The following SUV39H2 variants were observed in gnomAD, a reference collection of about 807,000 sequenced individuals.
SUV39H2 encodes SUV39H2 histone lysine methyltransferase.
Under a neutral mutation model 47.5 loss-of-function variants are expected in SUV39H2, and 10 were observed. The observed-to-expected ratio is 0.21, with a 90% CI of 0.13 to 0.36. The LOEUF (loss-of-function observed/expected upper bound fraction) is 0.36. SUV39H2 is among the 10% of genes least tolerant of loss of function. The pLI is 1.00. For missense variants in SUV39H2, 266 were observed against 487.4 expected, an observed-to-expected ratio of 0.55 and a Z score of 4.28; for synonymous variants, 159 against 166.8, an observed-to-expected ratio of 0.95 and a Z score of 0.36.
chr10:14,903,772 C>T lies in SUV39H2; in HGVS notation c.*1260C>T, dbSNP rs1564349664. 1.3e-5 allele frequency: 2 copies of T among 152,174 alleles called. No homozygotes were observed. The highest frequency in any genetic ancestry group is 4.8e-5 in the African/African-American group (2 of 41,430). The allele number at this position is 152,174 out of a possible 1,614,324, so 9.4% of individuals were successfully genotyped here. ...TGTGAAAATGATAAATGCAGCAAAT[C>T]TAGCTTTCAGTATTCCTAATTTTTA... On this transcript the variant is annotated 3_prime_UTR_variant, in exon 6 of 6. Coordinates refer to ENST00000354919, the MANE Select transcript of SUV39H2 (RefSeq NM_001193424.2).
intron 2 of SUV39H2, among the ~76,000 whole-genome samples, chr10:14,887,161 T>C (rs934005116): frequency 6.6e-6 from 1 of 152,148 alleles, no homozygotes; most frequent in Non-Finnish European, 1.5e-5. Context: ...ATGGCTGTCA[T>C]AGTAACCAGA....
At chr10:14,884,066 C>T (rs907857952) in intron 2 of SUV39H2, among the ~76,000 whole-genome samples, 1 of 152,166 alleles carries the variant, frequency 6.6e-6, no homozygotes, top group Non-Finnish European at 1.5e-5. Context: ...TCACATTTAA[C>T]TTATTCATCA....
At chr10:14,894,355 G>GT (rs35812740) in intron 2 of SUV39H2, among the ~76,000 whole-genome samples, 2,686 of 58,120 alleles carry the variant, frequency 0.046, 792 homozygotes, top group East Asian at 0.12. Flanking sequence ...AGAAAGCAAA[G>GT]TTTTTTTTTT....
intron 2 of SUV39H2, among the ~76,000 whole-genome samples, chr10:14,889,010 G>A (rs564936977): frequency 3.9e-5 from 6 of 151,986 alleles, no homozygotes; most frequent in Non-Finnish European, 7.4e-5. Flanking sequence ...GGCTGAGGCA[G>A]GAGAATAGCT....
intron 4 of SUV39H2, 40 bp downstream of exon 4, chr10:14,899,725 T>C (rs1183231385): frequency 3.7e-6 from 6 of 1,607,106 alleles, no homozygotes; most frequent in Non-Finnish European, 5.1e-6. Flanking sequence ...GACTAACAAT[T>C]CAACCTAGTA....
intron 1 of SUV39H2, chr10:14,880,027 A>G (rs895371229): frequency 4.0e-5 from 6 of 151,888 alleles, no homozygotes; most frequent in Admixed American, 1.3e-4. Context: ...CACCTTGAGT[A>G]GATAAGAGGA....
chr10:14,893,482 A>G (rs1346988792), intron 2 of SUV39H2, among the ~76,000 whole-genome samples: 1 of 152,230 alleles, frequency 6.6e-6, no homozygotes, highest in African/African-American at 2.4e-5. Flanking sequence ...CCATTTCTAT[A>G]GGTAATCAAG....
chr10:14,893,057 C>T (rs975423148), intron 2 of SUV39H2, among the ~76,000 whole-genome samples: 3 of 139,474 alleles, frequency 2.2e-5, no homozygotes, highest in Non-Finnish European at 4.5e-5. Flanking sequence ...GGCTGGAGTG[C>T]AGTGGCGCAA....
chr10:14,903,551 ATAAATTTTTTTTAGATGTGATAAAGC>A lies in SUV39H2; in HGVS notation c.*1044_*1069del, dbSNP rs1190342284. 6.6e-6 allele frequency: 1 copy of A among 152,214 alleles called. No individual in the cohort carries two copies. Among genetic ancestry groups the A allele is most frequent in the African/African-American group, 2.4e-5 (1 of 41,450 alleles). The allele number at this position is 152,214 out of a possible 1,614,324, so 9.4% of individuals were successfully genotyped here. A position where few individuals can be genotyped will look rare whatever the true frequency, so the allele number is the denominator to read the frequency against. ...TTTTGAACTGATACTTGTTTTATAC[ATAAATTTTTTTTAGATGTGATAAAGC>A]TAAACTTGGCCAAAGTGTGTGCCTG... is the stretch of plus-strand genomic sequence containing the variant. On this transcript the variant is annotated 3_prime_UTR_variant, in exon 6 of 6. Coordinates refer to ENST00000354919, the MANE Select transcript of SUV39H2 (RefSeq NM_001193424.2).
chr10:14,881,716 A>G (rs1158567418), intron 2 of SUV39H2, 71 bp downstream of exon 2: 1 of 1,243,500 alleles, frequency 8.0e-7, no homozygotes, highest in African/African-American at 1.5e-5. Flanking sequence ...TGTAACATAA[A>G]AAGAACATTA....
chr10:14,883,883 C>T (rs966466655), intron 2 of SUV39H2, among the ~76,000 whole-genome samples: 1 of 152,160 alleles, frequency 6.6e-6, no homozygotes, highest in Non-Finnish European at 1.5e-5. Flanking sequence ...GCCACTACAT[C>T]TGTCTGTCCA....
chr10:14,896,805 T>C lies in SUV39H2; in HGVS notation c.178-41T>C, dbSNP rs752426598. 3 of 1,477,090 alleles carry C rather than the reference T, an allele frequency of 2.0e-6. No homozygotes were observed. In the South Asian group the frequency reaches 4.1e-5, roughly 20 times the overall value. 91.5% of individuals were successfully genotyped at this position (1,477,090 alleles called of 1,614,324 possible). Reference sequence around the variant, plus strand: ...AATTATTTTTGGTAAAACTGGGAAATAGCCGTCTGATTTGCATTTTATTTT... The same window carrying C: ...AATTATTTTTGGTAAAACTGGGAAACAGCCGTCTGATTTGCATTTTATTTT... On this transcript the variant is annotated intron_variant, in intron 2 of 5. Coordinates refer to ENST00000354919, the MANE Select transcript of SUV39H2 (RefSeq NM_001193424.2).
intron 2 of SUV39H2, among the ~76,000 whole-genome samples, chr10:14,894,809 C>T (rs191849017): frequency 3.9e-5 from 6 of 152,344 alleles, no homozygotes; most frequent in Admixed American, 3.9e-4. Flanking sequence ...TGGTGTCCCT[C>T]AGCCCAATTT....
rs1414326652 is a variant in SUV39H2 at position 14,887,245 on chromosome 10, TA to T, written c.177+5609del. Among the ~76,000 whole-genome samples, 8 of 151,618 alleles carry T rather than the reference TA, an allele frequency of 5.3e-5. No individual in the cohort carries two copies. In the South Asian group the frequency reaches 8.3e-4, roughly 16 times the overall value. ...GTAGGTGCACGGTTCTTTTGTTTTT[TA>T]AAAAAAAATAAGGATGTAAAATGTA... On this transcript the variant is annotated intron_variant, in intron 2 of 5. Coordinates refer to ENST00000354919, the MANE Select transcript of SUV39H2 (RefSeq NM_001193424.2).
At chr10:14,879,171 G>A in intron 1 of SUV39H2, 6 of 1,167,964 alleles carry the variant, frequency 5.1e-6, no homozygotes, top group Non-Finnish European at 6.4e-6. Context: ...GTGGAGCGTG[G>A]CCTCTCCGCC....
Position 14,901,079 on chromosome 10 carries a change from G to A in SUV39H2, c.997-54G>A, listed in dbSNP as rs967329354. On this transcript the variant is annotated intron_variant, in intron 4 of 5. Transcript: ENST00000354919. ...AAGTAAACATTTTATATGGCATGTA[G>A]AAGGGCTTGTTTACACCGTTTGTAC... 3.1e-6 allele frequency: 5 copies of A among 1,588,314 alleles called. No individual in the cohort carries two copies. The African/African-American group carries it at 5.4e-5, about 17-fold the overall frequency.
chr10:14,894,371 T>TG (rs1459557843), intron 2 of SUV39H2, among the ~76,000 whole-genome samples: 1 of 52,042 alleles, frequency 1.9e-5, no homozygotes, highest in Non-Finnish European at 3.1e-5. Flanking sequence ...TTTTTTTTTT[T>TG]TTTTTTTTTT....
chr10:14,881,046 G>A (rs1046072031), intron 1 of SUV39H2, among the ~76,000 whole-genome samples: 1 of 152,102 alleles, frequency 6.6e-6, no homozygotes, highest in Non-Finnish European at 1.5e-5. Flanking sequence ...TGAAAGTTAC[G>A]TGTTAACAAA....
At chr10:14,891,549 G>A (rs1833390132) in intron 2 of SUV39H2, among the ~76,000 whole-genome samples, 1 of 152,152 alleles carries the variant, frequency 6.6e-6, no homozygotes, top group Admixed American at 6.5e-5. Context: ...GAAGATTAAT[G>A]TTTAAGAATG....
Sources: gnomAD v4.1 joint callset for allele counts (sites outside exome capture counted in the v4.1 genomes callset) on GRCh38, gnomAD v4.1.1 for gene constraint, MANE v1.5 for transcripts, NCBI Gene and HGNC (gene_info 2026-07-23, HGNC 2026-07-21) for gene names.